SHISAL1: variants seen among roughly 807,000 people sequenced by gnomAD.
The protein encoded by SHISAL1 is protein shisa-like-1.
A neutral mutation model predicts 22.6 loss-of-function variants in SHISAL1; 9 were observed. That is an observed-to-expected ratio of 0.40 (90% confidence interval 0.24 to 0.70). The LOEUF (loss-of-function observed/expected upper bound fraction) is 0.70, where lower values mean the gene tolerates loss of function less well. Ranked by LOEUF, SHISAL1 falls within the 30% of genes least tolerant of loss-of-function variation. The pLI, the probability that SHISAL1 is intolerant of heterozygous loss-of-function variation, is 0.39. For missense variants in SHISAL1, 246 were observed against 270.6 expected (o/e 0.91, Z 0.64); for synonymous variants, 119 against 115.4 (o/e 1.03, Z -0.20).
chr22:44,330,802 G>T, the SHISAL1 span, among the ~76,000 whole-genome samples: 6 of 152,300 alleles, frequency 3.9e-5, no homozygotes, highest in East Asian at 3.9e-4. Context: ...GGCTGCCGCC[G>T]GGCCGGGCCA....
Position 44,275,625 on chromosome 22 carries a change from C to T in SHISAL1, c.599+9803G>A, listed in dbSNP as rs370852851. Among the ~76,000 whole-genome samples, 7 of 152,308 alleles carry T rather than the reference C, an allele frequency of 4.6e-5. No individual in the cohort carries two copies. The South Asian group carries it at 6.2e-4, about 14-fold the overall frequency. On this transcript the variant is annotated intron_variant, in intron 4 of 4. Coordinates refer to ENST00000381176, the MANE Select transcript of SHISAL1 (RefSeq NM_001099294.2). ...GCTCTTACAGGAAGCGAAGTAAAGGCGGAGACGTTGCTCTTCCCAGTACAA... is the reference window on the plus strand; with the variant it reads ...GCTCTTACAGGAAGCGAAGTAAAGGTGGAGACGTTGCTCTTCCCAGTACAA...
chr22:44,330,456 A>G, the SHISAL1 span, among the ~76,000 whole-genome samples: 1 of 152,218 alleles, frequency 6.6e-6, no homozygotes, highest in African/African-American at 2.4e-5. Context: ...TAGGGGAGAC[A>G]CAAAGAGGCA....
chr22:44,250,258 A>AACACAG (rs1300615901), intron 4 of SHISAL1, among the ~76,000 whole-genome samples: 4 of 152,234 alleles, frequency 2.6e-5, no homozygotes, highest in Non-Finnish European at 4.4e-5. Flanking sequence ...CTAAATATTA[A>AACACAG]ACACAGATAC....
upstream of SHISAL1, among the ~76,000 whole-genome samples, chr22:44,317,350 G>A (rs538111724): frequency 2.0e-5 from 3 of 152,344 alleles, no homozygotes; most frequent in East Asian, 3.9e-4. Flanking sequence ...GGGGCGGTCC[G>A]CGCCCAGGAG....
At chr22:44,309,902 T>C (rs368348048) in intron 1 of SHISAL1, among the ~76,000 whole-genome samples, 103 of 152,294 alleles carry the variant, frequency 6.8e-4, no homozygotes, top group African/African-American at 2.4e-3. Flanking sequence ...GCATATGAAG[T>C]GAGATCAAAG....
chr22:44,267,453 C>A (rs1427239903), intron 4 of SHISAL1, among the ~76,000 whole-genome samples: 2 of 151,814 alleles, frequency 1.3e-5, no homozygotes, highest in African/African-American at 4.8e-5. Flanking sequence ...GGACTCCACT[C>A]CCTGGTGCCG....
intron 1 of SHISAL1, among the ~76,000 whole-genome samples, chr22:44,307,164 G>C (rs1392752366): frequency 6.6e-6 from 1 of 152,196 alleles, no homozygotes; most frequent in African/African-American, 2.4e-5. Flanking sequence ...TGTGGGCCTT[G>C]TGCTGCCTGC....
the SHISAL1 span, among the ~76,000 whole-genome samples, chr22:44,318,445 G>A: frequency 6.6e-6 from 1 of 152,242 alleles, no homozygotes; most frequent in African/African-American, 2.4e-5. Flanking sequence ...GGGGAAGCGG[G>A]TGCTGGGCCC....
the SHISAL1 span, among the ~76,000 whole-genome samples, chr22:44,318,784 C>A: frequency 6.6e-6 from 1 of 152,206 alleles, no homozygotes; most frequent in African/African-American, 2.4e-5. Context: ...GCACAGTGAC[C>A]CTGAGAAGTG....
At chr22:44,325,185 G>A in the SHISAL1 span, among the ~76,000 whole-genome samples, 6 of 151,554 alleles carry the variant, frequency 4.0e-5, no homozygotes, top group African/African-American at 1.5e-4. Flanking sequence ...GGAGGTTGCA[G>A]TGAGCTGAGA....
At chr22:44,292,415 G>A (rs2055359021) in intron 3 of SHISAL1, among the ~76,000 whole-genome samples, 1 of 152,136 alleles carries the variant, frequency 6.6e-6, no homozygotes, top group Non-Finnish European at 1.5e-5. Context: ...CAGAACCAGG[G>A]CTCCAGAGCC....
chr22:44,308,903 T>C (rs549629410), intron 1 of SHISAL1, among the ~76,000 whole-genome samples: 28 of 124,826 alleles, frequency 2.2e-4, no homozygotes, highest in African/African-American at 7.1e-4. Context: ...CCACCTACTC[T>C]ACTGTCATGG....
At chr22:44,259,108 T>A (rs996877586) in intron 4 of SHISAL1, among the ~76,000 whole-genome samples, 4 of 152,124 alleles carry the variant, frequency 2.6e-5, no homozygotes, top group African/African-American at 9.7e-5. Context: ...CCTGCTATGT[T>A]CTTAGGTGGA....
intron 4 of SHISAL1, among the ~76,000 whole-genome samples, chr22:44,270,454 T>C (rs913601573): frequency 2.6e-5 from 4 of 152,142 alleles, no homozygotes; most frequent in Non-Finnish European, 4.4e-5. Context: ...CAGCCATGGC[T>C]GTCATGGAAT....
At chr22:44,323,409 CCATT>C in the SHISAL1 span, among the ~76,000 whole-genome samples, 2 of 145,136 alleles carry the variant, frequency 1.4e-5, no homozygotes, top group African/African-American at 5.1e-5. Flanking sequence ...ATCCATCCAT[CCATT>C]CATTCATCCA....
At chr22:44,323,150 C>G in the SHISAL1 span, among the ~76,000 whole-genome samples, 1 of 146,970 alleles carries the variant, frequency 6.8e-6, no homozygotes, top group Non-Finnish European at 1.5e-5. Context: ...CATCCATCCA[C>G]CCATTCATCC....
In SHISAL1 at chr22:44,245,372, T is replaced by C. The variant is rs987366484; in HGVS notation, c.*4313A>G. 1.3e-5 allele frequency: 2 copies of C among 152,312 alleles called. No individual in the cohort carries two copies. The highest frequency in any genetic ancestry group is 1.3e-4 in the Admixed American group (2 of 15,270). 9.4% of individuals were successfully genotyped at this position (152,312 alleles called of 1,614,324 possible). On this transcript the variant is annotated 3_prime_UTR_variant, in exon 5 of 5. Coordinates refer to ENST00000381176, the MANE Select transcript of SHISAL1 (RefSeq NM_001099294.2). Reference sequence around the variant, plus strand: ...CTCTGTTGCCCAGGCTGGAGTGCACTGGTGCGATCTCAGCTCACTGCAAGC... The same window carrying C: ...CTCTGTTGCCCAGGCTGGAGTGCACCGGTGCGATCTCAGCTCACTGCAAGC...
chr22:44,258,174 T>C (rs1315496860), intron 4 of SHISAL1, among the ~76,000 whole-genome samples: 1 of 151,856 alleles, frequency 6.6e-6, no homozygotes, highest in Non-Finnish European at 1.5e-5. Context: ...GGTGTGGTGA[T>C]GGGCACCTGT....
In SHISAL1 at chr22:44,245,028, C is replaced by G. The variant is rs140895142; in HGVS notation, c.*4657G>C. ...CAGAGGGCACAGGGTATGGCCCCAG[C>G]CCAGTGAGGTATTCCTGGACTGCAA... On this transcript the variant is annotated 3_prime_UTR_variant, in exon 5 of 5. Coordinates refer to ENST00000381176, the MANE Select transcript of SHISAL1 (RefSeq NM_001099294.2). 2.6e-5 allele frequency: 4 copies of G among 152,472 alleles called. No homozygotes were observed. The East Asian group carries it at 7.7e-4, about 29-fold the overall frequency. The allele number at this position is 152,472 out of a possible 1,614,324, so 9.4% of individuals were successfully genotyped here.
Sources: gnomAD v4.1 joint callset for allele counts (sites outside exome capture counted in the v4.1 genomes callset) on GRCh38, gnomAD v4.1.1 for gene constraint, MANE v1.5 for transcripts, NCBI Gene and HGNC (gene_info 2026-07-23, HGNC 2026-07-21) for gene names.